Variants in BTBD9 observed in about 807,000 individuals in gnomAD.
BTBD9 encodes BTB/POZ domain-containing protein 9.
Under a neutral mutation model 64.3 loss-of-function variants are expected in BTBD9, and 49 were observed. The observed-to-expected ratio is 0.76, with a 90% CI of 0.61 to 0.97. The LOEUF is 0.97. Ranked by LOEUF, BTBD9 falls within the 50% of genes least tolerant of loss-of-function variation. The pLI is 0.00. For missense variants in BTBD9, 598 were observed against 762.1 expected (o/e 0.78, Z 2.53); for synonymous variants, 260 against 274.7 (o/e 0.95, Z 0.53).
intron 9 of BTBD9, among the ~76,000 whole-genome samples, chr6:38,194,242 T>C (rs1762198547): frequency 6.6e-6 from 1 of 151,982 alleles, no homozygotes; most frequent in Admixed American, 6.6e-5. Flanking sequence ...CTCATGTCCT[T>C]CCTCCAGCAG....
At chr6:38,594,584 T>G (rs1776958589) in intron 2 of BTBD9, among the ~76,000 whole-genome samples, 1 of 152,156 alleles carries the variant, frequency 6.6e-6, no homozygotes, top group South Asian at 2.1e-4. Context: ...GTGACAGATA[T>G]TAAATAGAAA....
chr6:38,498,412 A>C (rs932385071), intron 6 of BTBD9, among the ~76,000 whole-genome samples: 2 of 151,108 alleles, frequency 1.3e-5, no homozygotes, highest in Admixed American at 1.3e-4. Flanking sequence ...TTAGAGACAC[A>C]TATATTTCAA....
chr6:38,374,305 A>ATATATATG (rs1459305916), intron 6 of BTBD9, among the ~76,000 whole-genome samples: 1 of 66,622 alleles, frequency 1.5e-5, no homozygotes, highest in Non-Finnish European at 3.0e-5. Context: ...ATGTATATAT[A>ATATATATG]TGTATATATA....
chr6:38,468,300 C>T (rs183475835), intron 6 of BTBD9, among the ~76,000 whole-genome samples: 107 of 152,280 alleles, frequency 7.0e-4, no homozygotes, highest in African/African-American at 2.5e-3. Context: ...TCTATTCTGA[C>T]CCCAACCTAT....
At chr6:38,589,030 T>C (rs1326473475) in intron 4 of BTBD9, among the ~76,000 whole-genome samples, 1 of 152,230 alleles carries the variant, frequency 6.6e-6, no homozygotes, top group Non-Finnish European at 1.5e-5. Flanking sequence ...ATTATTCACA[T>C]GCTTTAAAAG....
intron 9 of BTBD9, among the ~76,000 whole-genome samples, chr6:38,200,358 A>G (rs1389064829): frequency 6.6e-6 from 1 of 152,278 alleles, no homozygotes; most frequent in African/African-American, 2.4e-5. Context: ...ACCTCAAGAA[A>G]CTAGAAAAGG....
chr6:38,201,093 C>T (rs1762448823), intron 9 of BTBD9, among the ~76,000 whole-genome samples: 1 of 152,172 alleles, frequency 6.6e-6, no homozygotes, highest in African/African-American at 2.4e-5. Context: ...ACTCATTCTG[C>T]AAGACCAGCA....
intron 6 of BTBD9, among the ~76,000 whole-genome samples, chr6:38,386,516 A>C (rs1258407489): frequency 6.6e-6 from 1 of 151,934 alleles, no homozygotes; most frequent in Non-Finnish European, 1.5e-5. Context: ...GCAGGTGCTG[A>C]GTGCTCAGAA....
chr6:38,445,776 T>C (rs1215891375), intron 6 of BTBD9, among the ~76,000 whole-genome samples: 1 of 152,212 alleles, frequency 6.6e-6, no homozygotes, highest in Non-Finnish European at 1.5e-5. Flanking sequence ...GAATTTACAA[T>C]TCCAGAAGAC....
At position 38,318,358 on chromosome 6, in the gene BTBD9, T is replaced by C. The variant is rs562065094; in HGVS notation, c.1264+26626A>G. ...TCTGGGCATTGAAGTGTTAGGTATTTCTTGTAGTCTTTGTAGTCTGGACTT... is the reference window on the plus strand; with the variant it reads ...TCTGGGCATTGAAGTGTTAGGTATTCCTTGTAGTCTTTGTAGTCTGGACTT... On this transcript the variant is annotated intron_variant, in intron 7 of 10. Coordinates refer to ENST00000481247, the MANE Select transcript of BTBD9 (RefSeq NM_001099272.2). 7.2e-5 allele frequency among the ~76,000 whole-genome samples: 11 copies of C among 152,338 alleles called. No individual in the cohort carries two copies. The East Asian group carries it at 2.1e-3, about 29-fold the overall frequency.
chr6:38,554,035 T>A (rs191048882), intron 6 of BTBD9, among the ~76,000 whole-genome samples: 1 of 152,156 alleles, frequency 6.6e-6, no homozygotes, highest in African/African-American at 2.4e-5. Flanking sequence ...ATTTTGATCA[T>A]ACTAATAAAA....
chr6:38,536,803 G>C (rs1774039800), intron 6 of BTBD9, among the ~76,000 whole-genome samples: 1 of 152,070 alleles, frequency 6.6e-6, no homozygotes, highest in Non-Finnish European at 1.5e-5. Context: ...GTAGAATCAT[G>C]GTTACCAGAG....
intron 7 of BTBD9, among the ~76,000 whole-genome samples, chr6:38,301,571 T>C (rs1762404914): frequency 6.6e-6 from 1 of 152,250 alleles, no homozygotes; most frequent in Admixed American, 6.5e-5. Flanking sequence ...ATTCAACTTC[T>C]TCCTGGTTTA....
intron 6 of BTBD9, among the ~76,000 whole-genome samples, chr6:38,424,103 A>G (rs989601203): frequency 1.3e-5 from 2 of 152,074 alleles, no homozygotes; most frequent in Non-Finnish European, 2.9e-5. Context: ...ATTAGCATGA[A>G]TTTTATACTC....
chr6:38,480,754 T>A (rs1582500841), intron 6 of BTBD9, among the ~76,000 whole-genome samples: 1 of 152,160 alleles, frequency 6.6e-6, no homozygotes, highest in East Asian at 1.9e-4. Flanking sequence ...CTGACCTCAA[T>A]CTTTCTTCCT....
At chr6:38,238,470 G>GTTTTTTTTT (rs34641170) in intron 9 of BTBD9, among the ~76,000 whole-genome samples, 4 of 127,990 alleles carry the variant, frequency 3.1e-5, no homozygotes, top group African/African-American at 6.2e-5. Flanking sequence ...GGAGACCAAG[G>GTTTTTTTTT]TTTTTTGTTT....
chr6:38,256,018 T>C (rs1481368129), intron 9 of BTBD9, among the ~76,000 whole-genome samples: 1 of 151,266 alleles, frequency 6.6e-6, no homozygotes, highest in African/African-American at 2.4e-5. Context: ...TGTATACCTA[T>C]GTATCAAACC....
chr6:38,371,513 CGAGACACAGCCCTGTGCA>C (rs1199547370), intron 6 of BTBD9, among the ~76,000 whole-genome samples: 3 of 152,114 alleles, frequency 2.0e-5, no homozygotes, highest in Non-Finnish European at 2.9e-5. Flanking sequence ...GTGGTGTTTG[CGAGACACAGCCCTGTGCA>C]GAGGCACAGG....
intron 7 of BTBD9, among the ~76,000 whole-genome samples, chr6:38,312,058 A>C (rs1762858965): frequency 6.6e-6 from 1 of 151,894 alleles, no homozygotes; most frequent in Non-Finnish European, 1.5e-5. Context: ...ACGTGGTTTC[A>C]CTATGTTGGT....
Sources: allele counts gnomAD v4.1 joint callset (sites outside exome capture counted in the v4.1 genomes callset), GRCh38; gene constraint gnomAD v4.1.1; transcripts MANE v1.5; gene names NCBI Gene and HGNC (gene_info 2026-07-23, HGNC 2026-07-21).